The following PIM2 variants were observed in gnomAD, a reference collection of about 807,000 sequenced individuals.
The protein encoded by PIM2 is Pim-2 proto-oncogene, serine/threonine kinase, also known as serine/threonine-protein kinase pim-2.
A neutral mutation model predicts 18.0 loss-of-function variants in PIM2; 3 were observed. The observed-to-expected ratio is 0.17, with a 90% confidence interval of 0.08 to 0.43. PIM2 has a LOEUF of 0.43. Ranked by LOEUF, PIM2 falls within the 20% of genes least tolerant of loss-of-function variation. The pLI, the probability that PIM2 is intolerant of heterozygous loss-of-function variation, is 0.99. For missense variants in PIM2, 181 were observed against 260.8 expected, an observed-to-expected ratio of 0.69 and a Z score of 2.11; for synonymous variants, 117 against 105.3, an observed-to-expected ratio of 1.11 and a Z score of -0.68.
intron 1 of PIM2, 39 bp from the exon 2 acceptor site, chrX:48,918,684 G>A (rs201419725): frequency 4.4e-6 from 5 of 1,125,671 alleles, no homozygotes; most frequent in South Asian, 1.9e-5. Context: ...GTGGCGGCGT[G>A]CTGAGCCCAG....
At chrX:48,915,500 AGT>A (rs2063560790) in intron 3 of PIM2, 108 bp from the exon 4 acceptor site, 2 of 781,479 alleles carry the variant, frequency 2.6e-6, no homozygotes, top group African/African-American at 4.2e-5. Context: ...TTTTCCTGAC[AGT>A]GTGTCGCTAA....
At chrX:48,917,062 G>A (rs782673560) in intron 3 of PIM2, among the ~76,000 whole-genome samples, 1 of 110,466 alleles carries the variant, frequency 9.1e-6, no homozygotes, top group South Asian at 3.9e-4. Flanking sequence ...GGCTGAGGCA[G>A]GAGAATCACT....
At position 48,913,502 on chromosome X, in the gene PIM2, T is replaced by C. The variant is rs1452471665; in HGVS notation, c.*629A>G. 2.0e-5 allele frequency: 2 copies of C among 101,355 alleles called. No homozygotes were observed. Among genetic ancestry groups the C allele is most frequent in the Non-Finnish European group, 4.0e-5 (2 of 50,460 alleles). 8.4% of individuals were successfully genotyped at this position (101,355 alleles called of 1,213,427 possible). A position where few individuals can be genotyped will look rare whatever the true frequency, so the allele number is the denominator to read the frequency against. ...CCTTCCCAAATTATGGAAGTAAGGT[T>C]CTTCTCACCAGAATAAGAGCACTTG... On this transcript the variant is annotated 3_prime_UTR_variant, in exon 6 of 6. Transcript: ENST00000376509.
intron 4 of PIM2, 55 bp from the exon 5 acceptor site, chrX:48,914,626 C>T: frequency 1.9e-6 from 2 of 1,046,383 alleles, no homozygotes; most frequent in South Asian, 2.2e-5. Flanking sequence ...CTTCTCCAAC[C>T]CCAAACTCTC....
chrX:48,913,554 C>CAAAAAAA lies in PIM2; in HGVS notation c.*570_*576dup, dbSNP rs34080117. On this transcript the variant is annotated 3_prime_UTR_variant, in exon 6 of 6. Transcript: ENST00000376509. ...GATAACAGAGTAGGGTCCCCTCACC[C>CAAAAAAA]AAAAAAAAAAAAAAAAAAAAGAAGC... 1.6e-5 allele frequency: 1 copy of CAAAAAAA among 62,272 alleles called. No homozygotes were observed. 5.1% of individuals were successfully genotyped at this position (62,272 alleles called of 1,213,427 possible).
At position 48,915,376 on chromosome X, in the gene PIM2, C is replaced by T; in HGVS notation, c.239G>A (p.Cys80Tyr). 1 of 1,203,948 alleles carries T rather than the reference C, an allele frequency of 8.3e-7. No individual in the cohort carries two copies. Among genetic ancestry groups the T allele is most frequent in the Non-Finnish European group, 1.1e-6 (1 of 890,600 alleles). The change falls in exon 4 of 6, where the codon TGC (cysteine) becomes TAC (tyrosine). Residue 80 changes from cysteine to tyrosine, a missense_variant. By Grantham distance (194) the Cys-to-Tyr change is radical. This residue lies in a region of PIM2 where 104 missense variants were observed against 125.3 expected (regional missense o/e 0.83). Coordinates refer to ENST00000376509, the MANE Select transcript of PIM2 (RefSeq NM_006875.4). ...GWSPLSDSVTCPLEVALLWKV... is the reference protein window; with the variant it reads ...GWSPLSDSVTYPLEVALLWKV... ...CCATAGCAGTGCGACTTCGAGTGGG[C>T]ATGTGACTGAGTCTGACTGGGGGCA...
rs782063587 is a variant in PIM2 at position 48,917,863 on chromosome X, C to T, written c.172-32G>A. 3.6e-6 allele frequency: 4 copies of T among 1,116,791 alleles called. No homozygotes were observed. The South Asian group carries it at 7.7e-5, about 22-fold the overall frequency. 92.0% of individuals were successfully genotyped at this position (1,116,791 alleles called of 1,213,427 possible). On this transcript the variant is annotated intron_variant, in intron 2 of 5. Coordinates refer to ENST00000376509, the MANE Select transcript of PIM2 (RefSeq NM_006875.4). ...AAGAAGGCCGTGATAAGGAGGCCAG[C>T]AGGTGATCCCCAGACCCCTCCCAGT... is the stretch of plus-strand genomic sequence containing the variant.
Position 48,915,254 on chromosome X carries a change from G to C in PIM2, c.361C>G (p.Pro121Ala), listed in dbSNP as rs782593745. 4 of 1,210,561 alleles carry C rather than the reference G, an allele frequency of 3.3e-6. No homozygotes were observed. Among genetic ancestry groups the C allele is most frequent in the Non-Finnish European group, 4.5e-6 (4 of 895,233 alleles). The change falls in exon 4 of 6, where the codon CCC becomes GCC. Residue 121 changes from proline to alanine, a missense_variant. This residue lies in a region of PIM2 where 104 missense variants were observed against 125.3 expected (regional missense o/e 0.83). Transcript: ENST00000376509. Reference protein sequence around the residue: ...GFMLVLERPLPAQDLFDYITE... With the variant: ...GFMLVLERPLAAQDLFDYITE... ...ATATAGTCAAAGAGATCCTGGGCGG[G>C]CAAAGGCCGCTCGAGGACCAGCATG... is the stretch of plus-strand genomic sequence containing the variant.
chrX:48,914,104 TG>T lies in PIM2; in HGVS notation c.*26del. ...GCCATGGGATGGCTCTTCTGACCAT[TG>T]GGGGCCAGGCCAGGCCAGGCCAGGC... On this transcript the variant is annotated 3_prime_UTR_variant, in exon 6 of 6. Transcript: ENST00000376509. 1.0e-6 allele frequency: 1 copy of T among 969,606 alleles called. No individual in the cohort carries two copies. Among genetic ancestry groups the T allele is most frequent in the Non-Finnish European group, 1.4e-6 (1 of 718,042 alleles). 79.9% of individuals were successfully genotyped at this position (969,606 alleles called of 1,213,427 possible).
chrX:48,914,925 G>A (rs891981034), intron 4 of PIM2, 95 bp downstream of exon 4: 1 of 801,135 alleles, frequency 1.2e-6, no homozygotes, highest in South Asian at 2.6e-5. Flanking sequence ...TGCAGTATGG[G>A]TCAAGGATTA....
Position 48,913,429 on chromosome X carries a change from C to CAT in PIM2, c.*700_*701dup, listed in dbSNP as rs1192870685. 1 of 108,746 alleles carries CAT rather than the reference C, an allele frequency of 9.2e-6. No homozygotes were observed. Among genetic ancestry groups the CAT allele is most frequent in the African/African-American group, 3.4e-5 (1 of 29,644 alleles). The allele number at this position is 108,746 out of a possible 1,213,427, so 9.0% of individuals were successfully genotyped here. On this transcript the variant is annotated 3_prime_UTR_variant, in exon 6 of 6. Transcript: ENST00000376509. ...CTAGCCCATCCCCCAAAAAACCATC[C>CAT]ATCCCATCCTAGTGTCTGGTGGTGT...
intron 3 of PIM2, among the ~76,000 whole-genome samples, chrX:48,917,420 T>C (rs2063566122): frequency 8.9e-6 from 1 of 112,663 alleles, no homozygotes; most frequent in Non-Finnish European, 1.9e-5. Context: ...CGCTCCCAAC[T>C]CTACAACTTG....
At chrX:48,915,585 C>G in intron 3 of PIM2, 193 bp from the exon 4 acceptor site, 1 of 428,016 alleles carries the variant, frequency 2.3e-6, no homozygotes, top group Non-Finnish European at 4.0e-6. Context: ...GAGGGTGAAA[C>G]CAGCAAAGAG....
At position 48,918,760 on chromosome X, in the gene PIM2, GA is replaced by G; in HGVS notation, c.61+13del. 8.4e-7 allele frequency: 1 copy of G among 1,189,151 alleles called. No individual in the cohort carries two copies. Among genetic ancestry groups the G allele is most frequent in the Non-Finnish European group, 1.1e-6 (1 of 882,839 alleles). The stretch of plus-strand genomic sequence containing the variant: ...CCCACCCCGTCTGGTTGCAGTAGGG[GA>G]GGATGTACTCACCTGGCGGCGGCGT... On this transcript the variant is annotated intron_variant, in intron 1 of 5. Coordinates refer to ENST00000376509, the MANE Select transcript of PIM2 (RefSeq NM_006875.4).
chrX:48,917,937 G>T, intron 2 of PIM2, 106 bp from the exon 3 acceptor site: 1 of 618,308 alleles, frequency 1.6e-6, no homozygotes, highest in Non-Finnish European at 2.6e-6. Flanking sequence ...CAGCACTCTA[G>T]TCTTTCTGGT....
At position 48,918,971 on chromosome X, in the gene PIM2, C is replaced by T. The variant is rs782433152; in HGVS notation, c.-137G>A. 145 of 506,084 alleles carry T rather than the reference C, an allele frequency of 2.9e-4. No individual in the cohort carries two copies. In the African/African-American group the frequency reaches 3.2e-3, roughly 11 times the overall value. The allele number at this position is 506,084 out of a possible 1,213,427, so 41.7% of individuals were successfully genotyped here. ...CAGAGAAACTGGTGGCCCGGAAGCG[C>T]CCGCAGACGGCGCAGCGTTGAGATT... is the stretch of plus-strand genomic sequence containing the variant. On this transcript the variant is annotated 5_prime_UTR_variant, in exon 1 of 6. Coordinates refer to ENST00000376509, the MANE Select transcript of PIM2 (RefSeq NM_006875.4).
At position 48,913,771 on chromosome X, in the gene PIM2, T is replaced by G; in HGVS notation, c.*360A>C. The G allele has an allele frequency of 6.7e-6, 1 of 150,223 alleles. No individual in the cohort carries two copies. Among genetic ancestry groups the G allele is most frequent in the Non-Finnish European group, 1.3e-5 (1 of 79,199 alleles). 12.4% of individuals were successfully genotyped at this position (150,223 alleles called of 1,213,427 possible). A position where few individuals can be genotyped will look rare whatever the true frequency, so the allele number is the denominator to read the frequency against. On this transcript the variant is annotated 3_prime_UTR_variant, in exon 6 of 6. Transcript: ENST00000376509. Reference sequence around the variant, plus strand: ...CATATGAACTAAGTTTGTGTGGTGGTAGTAGGAGGTGCCAATGTGGGGTGA... The same window carrying G: ...CATATGAACTAAGTTTGTGTGGTGGGAGTAGGAGGTGCCAATGTGGGGTGA...
At position 48,918,959 on chromosome X, in the gene PIM2, G is replaced by T; in HGVS notation, c.-125C>A. On this transcript the variant is annotated 5_prime_UTR_variant, in exon 1 of 6. Coordinates refer to ENST00000376509, the MANE Select transcript of PIM2 (RefSeq NM_006875.4). Reference sequence around the variant, plus strand: ...CAGGGTGGAAAGCAGAGAAACTGGTGGCCCGGAAGCGCCCGCAGACGGCGC... The same window carrying T: ...CAGGGTGGAAAGCAGAGAAACTGGTTGCCCGGAAGCGCCCGCAGACGGCGC... 3 of 560,119 alleles carry T rather than the reference G, an allele frequency of 5.4e-6. No homozygotes were observed. The highest frequency in any genetic ancestry group is 5.7e-6 in the Non-Finnish European group (2 of 352,272). 46.2% of individuals were successfully genotyped at this position (560,119 alleles called of 1,213,427 possible). A position where few individuals can be genotyped will look rare whatever the true frequency, so the allele number is the denominator to read the frequency against.
At position 48,913,192 on chromosome X, in the gene PIM2, ATTAC is replaced by A. The variant is rs1295309918; in HGVS notation, c.*935_*938del. ...CAAATGGCCAGCCGCTTCTGATTCT[ATTAC>A]TTTTATTAAATAGTGGGTTTCCACA... On this transcript the variant is annotated 3_prime_UTR_variant, in exon 6 of 6. Coordinates refer to ENST00000376509, the MANE Select transcript of PIM2 (RefSeq NM_006875.4). The A allele has an allele frequency of 9.0e-6, 1 of 111,389 alleles. No homozygotes were observed. Among genetic ancestry groups the A allele is most frequent in the Admixed American group, 9.6e-5 (1 of 10,419 alleles). The allele number at this position is 111,389 out of a possible 1,213,427, so 9.2% of individuals were successfully genotyped here. A position where few individuals can be genotyped will look rare whatever the true frequency, so the allele number is the denominator to read the frequency against.
Sources: allele counts gnomAD v4.1 joint callset (sites outside exome capture counted in the v4.1 genomes callset), GRCh38; gene constraint gnomAD v4.1.1; regional missense constraint gnomAD v4.1.1; transcripts MANE v1.5; gene names NCBI Gene and HGNC (gene_info 2026-07-23, HGNC 2026-07-21).